The following HPS4 variants were observed in gnomAD, a reference collection of about 807,000 sequenced individuals.
HPS4 encodes the protein BLOC-3 complex member HPS4.
Under a neutral mutation model 70.3 loss-of-function variants are expected in HPS4, and 44 were observed. That is an observed-to-expected ratio of 0.63 (90% CI 0.49 to 0.80). The LOEUF (loss-of-function observed/expected upper bound fraction) is 0.80, where lower values mean the gene tolerates loss of function less well. HPS4 is among the 30% of genes least tolerant of loss of function. HPS4 has a pLI of 0.00. For missense variants in HPS4, 873 were observed against 884.4 expected (o/e 0.99, Z 0.16); for synonymous variants, 377 against 355.9 (o/e 1.06, Z -0.67).
intron 13 of HPS4, among the ~76,000 whole-genome samples, chr22:26,454,237 C>T (rs1035069340): frequency 6.6e-6 from 1 of 152,242 alleles, no homozygotes; most frequent in Admixed American, 6.5e-5. Flanking sequence ...CACCCACTGG[C>T]CCAGCAAGAC....
At chr22:26,480,540 A>G (rs2091173117) in intron 2 of HPS4, among the ~76,000 whole-genome samples, 1 of 152,100 alleles carries the variant, frequency 6.6e-6, no homozygotes, top group South Asian at 2.1e-4. Context: ...CAATGGGACC[A>G]ATGTGTCATC....
intron 2 of HPS4, 76 bp from the exon 3 acceptor site, chr22:26,479,431 C>T: frequency 6.3e-7 from 1 of 1,575,256 alleles, no homozygotes; most frequent in South Asian, 1.2e-5. Flanking sequence ...CTTCCTGTTT[C>T]CCAGCCCGAG....
At chr22:26,446,542 C>CT (rs952494188), downstream of HPS4, among the ~76,000 whole-genome samples, 1 of 152,104 alleles carries the variant, frequency 6.6e-6, no homozygotes, top group Non-Finnish European at 1.5e-5. Flanking sequence ...AGGCACGGGT[C>CT]TTTGTTTTAA....
Position 26,457,951 on chromosome 22 carries a change from C to A in HPS4, c.1863G>T (p.Val621=). ...GGAAGCGGCGATCCTGCGGGGTGGC[C>A]ACCTGCGGCAGGTTTGCTTCCAGAA... The part of the protein sequence containing the change: ...QSLLMANLPQ[V]ATPQDRRFLQ... Residue 621 remains valine (V), a synonymous_variant, in exon 13 of 14, where the codon GTG becomes GTT. Transcript: ENST00000398145. The A allele has an allele frequency of 6.2e-7, 1 of 1,613,598 alleles. No homozygotes were observed. Among genetic ancestry groups the A allele is most frequent in the Non-Finnish European group, 8.5e-7 (1 of 1,180,000 alleles).
downstream of HPS4, chr22:26,443,335 G>A: frequency 1.4e-6 from 1 of 725,232 alleles, no homozygotes; most frequent in South Asian, 1.8e-5. Context: ...CTCTTATTTG[G>A]GATTTTATAT....
intron 13 of HPS4, 106 bp from the exon 14 acceptor site, chr22:26,453,510 A>C: frequency 3.4e-6 from 4 of 1,167,154 alleles, no homozygotes; most frequent in Non-Finnish European, 5.1e-6. Flanking sequence ...AGGACACCCA[A>C]TGTGGCATGT....
intron 1 of HPS4, among the ~76,000 whole-genome samples, chr22:26,483,045 TAA>T (rs2091451241): frequency 2.0e-5 from 3 of 152,206 alleles, no homozygotes; most frequent in Admixed American, 6.5e-5. Flanking sequence ...TACAGTTTGT[TAA>T]AAGTCTCTAG....
chr22:26,471,771 T>C (rs1022478063), intron 6 of HPS4, among the ~76,000 whole-genome samples: 2 of 152,156 alleles, frequency 1.3e-5, no homozygotes, highest in Admixed American at 6.5e-5. Flanking sequence ...AGGGCTCAGG[T>C]AGCTGGCTCT....
At chr22:26,461,925 G>A (rs918288229) in intron 11 of HPS4, among the ~76,000 whole-genome samples, 1 of 152,028 alleles carries the variant, frequency 6.6e-6, no homozygotes, top group African/African-American at 2.4e-5. Flanking sequence ...TCAGGAGTTC[G>A]AGACCAGCCT....
intron 4 of HPS4, chr22:26,476,651 G>A (rs1042133622): frequency 1.3e-5 from 3 of 235,608 alleles, no homozygotes; most frequent in Admixed American, 5.2e-5. Context: ...TTTTTTCTGG[G>A]TCACTTACCC....
chr22:26,483,046 A>G (rs566252131), intron 1 of HPS4, among the ~76,000 whole-genome samples: 18 of 152,360 alleles, frequency 1.2e-4, no homozygotes, highest in African/African-American at 2.9e-4. Context: ...ACAGTTTGTT[A>G]AAAGTCTCTA....
At chr22:26,472,257 C>G in intron 6 of HPS4, 45 bp downstream of exon 6, 1 of 1,122,980 alleles carries the variant, frequency 8.9e-7, no homozygotes, top group African/African-American at 1.5e-5. Flanking sequence ...TATCCAGAAG[C>G]CCTAGTCTTA....
intron 8 of HPS4, chr22:26,467,367 G>A (rs917474299): frequency 6.6e-6 from 1 of 152,136 alleles, no homozygotes; most frequent in Admixed American, 6.5e-5. Context: ...TCATTTGTAG[G>A]CAGGTGGCCC....
At chr22:26,479,793 T>C in intron 2 of HPS4, 1 of 567,202 alleles carries the variant, frequency 1.8e-6, no homozygotes, top group Non-Finnish European at 2.3e-6. Context: ...CTACCAGGAA[T>C]TCATGCATTC....
intron 3 of HPS4, among the ~76,000 whole-genome samples, 191 bp downstream of exon 3, chr22:26,479,074 G>A (rs1053766756): frequency 6.6e-6 from 1 of 152,186 alleles, no homozygotes. Flanking sequence ...AGCTAAAGAC[G>A]ATGAAAGTGC....
intron 5 of HPS4, 98 bp downstream of exon 5, chr22:26,472,734 T>C: frequency 2.1e-6 from 2 of 943,748 alleles, no homozygotes; most frequent in Admixed American, 1.7e-5. Context: ...AATGTGTTTA[T>C]ATGAAGTATA....
intron 7 of HPS4, among the ~76,000 whole-genome samples, chr22:26,469,704 A>G (rs200820647): frequency 2.1e-5 from 1 of 47,192 alleles, no homozygotes; most frequent in African/African-American, 4.9e-5. Flanking sequence ...AAAAAAAAGA[A>G]AAAAAAATAT....
intron 13 of HPS4, 46 bp downstream of exon 13, chr22:26,457,813 G>T: frequency 1.4e-6 from 2 of 1,447,396 alleles, no homozygotes; most frequent in Non-Finnish European, 1.9e-6. Context: ...GTTCCCATGA[G>T]CAGGACCGTG....
intron 6 of HPS4, chr22:26,471,351 T>C (rs1003610137): frequency 6.6e-6 from 3 of 456,090 alleles, no homozygotes; most frequent in African/African-American, 4.0e-5. Context: ...ATGCCTCAGT[T>C]CCACATTCCT....
Sources: gnomAD v4.1 joint callset for allele counts (sites outside exome capture counted in the v4.1 genomes callset) on GRCh38, gnomAD v4.1.1 for gene constraint, MANE v1.5 for transcripts, NCBI Gene and HGNC (gene_info 2026-07-23, HGNC 2026-07-21) for gene names.